Variants in MLLT1 observed in about 807,000 individuals in gnomAD.
The protein encoded by MLLT1 is protein ENL.
Under a neutral mutation model 55.1 loss-of-function variants are expected in MLLT1, and 11 were observed. That is an observed-to-expected ratio of 0.20 (90% CI 0.13 to 0.33). The LOEUF is 0.33. Ranked by LOEUF, MLLT1 falls within the 10% of genes least tolerant of loss-of-function variation. The pLI is 1.00. For missense variants in MLLT1, 536 were observed against 760.6 expected (o/e 0.70, Z 3.47); for synonymous variants, 323 against 320.1 (o/e 1.01, Z -0.10).
At chr19:6,213,461 G>T in intron 10 of MLLT1, 53 bp from the exon 11 acceptor site, 1 of 1,431,540 alleles carries the variant, frequency 7.0e-7, no homozygotes, top group Non-Finnish European at 9.8e-7. Flanking sequence ...GACCCTTCCT[G>T]CTCCCATGCC....
In MLLT1 at chr19:6,229,294, C is replaced by T. The variant is rs568498721; in HGVS notation, c.420+1276G>A. On this transcript the variant is annotated intron_variant, in intron 4 of 11. Transcript: ENST00000252674. The surrounding 1 kb of genome is among the most constrained non-coding windows in gnomAD (Gnocchi z 5.2). Reference sequence around the variant, plus strand: ...AGGCCCACGCCGGCACTGCCCTCCCCGGATCAGAACCACAAGCAGGGCTTC... The same window carrying T: ...AGGCCCACGCCGGCACTGCCCTCCCTGGATCAGAACCACAAGCAGGGCTTC... 1.3e-5 allele frequency among the ~76,000 whole-genome samples: 2 copies of T among 152,286 alleles called. No individual in the cohort carries two copies. The highest frequency in any genetic ancestry group is 1.9e-4 in the East Asian group (1 of 5,176).
rs772256607 is a variant in MLLT1, at chr19:6,262,645, C to T, written c.194-335G>A. ...CCAGAGAAGGCTGCACAAGTTTGCC[C>T]GACTCAGGTGGATGTCGGTAAGCGT... On this transcript the variant is annotated intron_variant, in intron 2 of 11. Coordinates refer to ENST00000252674, the MANE Select transcript of MLLT1 (RefSeq NM_005934.4). This position sits in a 1 kb window ranked among gnomAD's most constrained non-coding sequence, Gnocchi z 4.4. Among the ~76,000 whole-genome samples, 10 of 152,050 alleles carry T rather than the reference C, an allele frequency of 6.6e-5. No homozygotes were observed. The highest frequency in any genetic ancestry group is 3.9e-4 in the East Asian group (2 of 5,174).
intron 6 of MLLT1, among the ~76,000 whole-genome samples, chr19:6,221,741 C>T (rs1035241076): frequency 6.6e-6 from 1 of 152,216 alleles, no homozygotes; most frequent in African/African-American, 2.4e-5. Flanking sequence ...GGGCTGACCA[C>T]GCCATGGTCA....
In MLLT1 at chr19:6,214,124, G is replaced by A. The variant is rs577373652; in HGVS notation, c.1308-86C>T. ...CCAGGCTCAAGCCTCTGCCCCGCAC[G>A]GAGTCGGTGCCTGAGCCCACACACC... On this transcript the variant is annotated intron_variant, in intron 8 of 11. Transcript: ENST00000252674. 11 of 715,702 alleles carry A rather than the reference G, an allele frequency of 1.5e-5. No homozygotes were observed. In the Admixed American group the frequency reaches 3.8e-4, roughly 25 times the overall value. 44.3% of individuals were successfully genotyped at this position (715,702 alleles called of 1,614,324 possible). A position where few individuals can be genotyped will look rare whatever the true frequency, so the allele number is the denominator to read the frequency against.
At chr19:6,247,324 G>T (rs2091177951) in intron 3 of MLLT1, among the ~76,000 whole-genome samples, 1 of 152,164 alleles carries the variant, frequency 6.6e-6, no homozygotes, top group Non-Finnish European at 1.5e-5. Context: ...TAAGGCTCCT[G>T]GGAGCAGCGG....
chr19:6,267,779 G>C (rs143103726), intron 2 of MLLT1, among the ~76,000 whole-genome samples: 1 of 152,272 alleles, frequency 6.6e-6, no homozygotes, highest in East Asian at 1.9e-4. Flanking sequence ...CTTGGTCTTC[G>C]TCAATAAGCT....
At chr19:6,234,903 CA>C (rs3036307) in intron 3 of MLLT1, among the ~76,000 whole-genome samples, 1,625 of 131,868 alleles carry the variant, frequency 0.012, 11 homozygotes, top group Admixed American at 0.023. Flanking sequence ...AACAAACAAA[CA>C]AAAAAAAAAA....
chr19:6,255,975 T>C (rs895244249), intron 3 of MLLT1, among the ~76,000 whole-genome samples: 1 of 151,820 alleles, frequency 6.6e-6, no homozygotes, highest in Non-Finnish European at 1.5e-5. Context: ...TCCCAGCACT[T>C]TGGGAGGCCG....
intron 3 of MLLT1, among the ~76,000 whole-genome samples, chr19:6,243,547 A>AG (rs2091136058): frequency 6.6e-6 from 1 of 152,204 alleles, no homozygotes; most frequent in African/African-American, 2.4e-5. Context: ...CCAAAGAGGC[A>AG]GGTGAACCCA....
chr19:6,257,775 T>C (rs778610962), intron 3 of MLLT1, among the ~76,000 whole-genome samples: 1 of 152,106 alleles, frequency 6.6e-6, no homozygotes, highest in African/African-American at 2.4e-5. Context: ...CACTCCAGCC[T>C]GGCCAAAAGA....
rs989481885 is a variant in MLLT1, at chr19:6,243,870, CCT to C, written c.277-13159_277-13158del. On this transcript the variant is annotated intron_variant, in intron 3 of 11. Coordinates refer to ENST00000252674, the MANE Select transcript of MLLT1 (RefSeq NM_005934.4). ...CATCCTGGCTAACACGGTGAAACCCCCTCTCTACTAAAAATACAAAAAAATTA... is the reference window on the plus strand; with the variant it reads ...CATCCTGGCTAACACGGTGAAACCCCCTCTACTAAAAATACAAAAAAATTA... 9.6e-4 allele frequency among the ~76,000 whole-genome samples: 146 copies of C among 151,942 alleles called. 2 individuals carry two copies. The highest frequency in any genetic ancestry group is 3.2e-4 in the Non-Finnish European group (22 of 67,922).
intron 3 of MLLT1, among the ~76,000 whole-genome samples, chr19:6,236,291 C>T (rs1294878914): frequency 6.6e-6 from 1 of 152,170 alleles, no homozygotes; most frequent in East Asian, 1.9e-4. Flanking sequence ...AAGCACTCAG[C>T]GGATACGAAT....
chr19:6,218,226 G>A (rs912975624), intron 6 of MLLT1, among the ~76,000 whole-genome samples, 185 bp from the exon 7 acceptor site: 1 of 152,232 alleles, frequency 6.6e-6, no homozygotes, highest in African/African-American at 2.4e-5. Context: ...CAGGCCATGC[G>A]CAGCCTATAG....
Position 6,226,914 on chromosome 19 carries a change from G to A in MLLT1, c.546+63C>T. On this transcript the variant is annotated intron_variant, in intron 5 of 11. Coordinates refer to ENST00000252674, the MANE Select transcript of MLLT1 (RefSeq NM_005934.4). This position sits in a 1 kb window ranked among gnomAD's most constrained non-coding sequence, Gnocchi z 6.3. ...CAGCCCAGTGGAGGGAGGGCGCCGG[G>A]GCCAGACCCACCACAGCTGGGCCCC... The A allele has an allele frequency of 6.9e-7, 1 of 1,440,062 alleles. No homozygotes were observed. Among genetic ancestry groups the A allele is most frequent in the Admixed American group, 3.0e-5 (1 of 33,602 alleles). 89.2% of individuals were successfully genotyped at this position (1,440,062 alleles called of 1,614,324 possible). A position where few individuals can be genotyped will look rare whatever the true frequency, so the allele number is the denominator to read the frequency against.
At position 6,227,236 on chromosome 19, in the gene MLLT1, C is replaced by T; in HGVS notation, c.421-134G>A. On this transcript the variant is annotated intron_variant, in intron 4 of 11. Transcript: ENST00000252674. This position sits in a 1 kb window ranked among gnomAD's most constrained non-coding sequence, Gnocchi z 5.1. Reference sequence around the variant, plus strand: ...GCCTGAGCGCTTTCCCGAAAGAATCCCAGGTGCTTCCCTGCTGGGGACTGG... The same window carrying T: ...GCCTGAGCGCTTTCCCGAAAGAATCTCAGGTGCTTCCCTGCTGGGGACTGG... The T allele has an allele frequency of 2.2e-6, 2 of 902,180 alleles. No individual in the cohort carries two copies. 55.9% of individuals were successfully genotyped at this position (902,180 alleles called of 1,614,324 possible).
chr19:6,276,666 C>T (rs759990372), intron 1 of MLLT1, among the ~76,000 whole-genome samples: 2 of 152,136 alleles, frequency 1.3e-5, no homozygotes, highest in Admixed American at 1.3e-4. Context: ...GTCCCCTCCC[C>T]CCGGCCCCAG....
At position 6,219,573 on chromosome 19, in the gene MLLT1, C is replaced by A. The variant is rs1161265788; in HGVS notation, c.1111-1532G>T. On this transcript the variant is annotated intron_variant, in intron 6 of 11. Transcript: ENST00000252674. This position sits in a 1 kb window ranked among gnomAD's most constrained non-coding sequence, Gnocchi z 4.5. ...CGTCCTATGTCAGCCTCAGTTTTCC[C>A]AGCACCGCCAGCTGCCTGCACACCG... Among the ~76,000 whole-genome samples the A allele has an allele frequency of 6.6e-6, 1 of 152,178 alleles. No homozygotes were observed. The highest frequency in any genetic ancestry group is 2.4e-5 in the African/African-American group (1 of 41,430).
chr19:6,265,049 C>CAAAAACAAAAAAAAAAAAAAAAAAAAA (rs1568296295), intron 2 of MLLT1, among the ~76,000 whole-genome samples: 3 of 23,298 alleles, frequency 1.3e-4, no homozygotes, highest in Non-Finnish European at 3.5e-4. Context: ...AAAAAAAAAA[C>CAAAAACAAAAAAAAAAAAAAAAAAAAA]AAAAAAACAA....
In MLLT1 at chr19:6,216,480, G is replaced by T; in HGVS notation, c.1232C>A (p.Ser411Tyr). 6.2e-7 allele frequency: 1 copy of T among 1,606,130 alleles called. No homozygotes were observed. Among genetic ancestry groups the T allele is most frequent in the Non-Finnish European group, 8.5e-7 (1 of 1,177,210 alleles). ...PLRSMVEDLQSEESDEDDSSS... is the reference protein window; with the variant it reads ...PLRSMVEDLQYEESDEDDSSS... The stretch of plus-strand genomic sequence containing the variant: ...AGAGTCGTCCTCGTCGGACTCCTCG[G>T]ACTGCAGGTCCTCCACCATGGAGCG... The change falls in exon 8 of 12, where the codon TCC becomes TAC. Residue 411 changes from serine (S) to tyrosine (Y), a missense_variant. By Grantham distance (144) the Ser-to-Tyr change is moderately radical (BLOSUM62 -2). Coordinates refer to ENST00000252674, the MANE Select transcript of MLLT1 (RefSeq NM_005934.4).
Sources: allele counts gnomAD v4.1 joint callset (sites outside exome capture counted in the v4.1 genomes callset), GRCh38; gene constraint gnomAD v4.1.1; non-coding constraint Gnocchi (gnomAD v3.1); transcripts MANE v1.5; gene names NCBI Gene and HGNC (gene_info 2026-07-23, HGNC 2026-07-21).